NPFFR2: variants seen among roughly 807,000 people sequenced by gnomAD.
NPFFR2 encodes the protein neuropeptide FF receptor 2.
Under a neutral mutation model 13.1 loss-of-function variants are expected in NPFFR2, and 15 were observed. That is an observed-to-expected ratio of 1.15 (90% CI 0.77 to 1.76). The LOEUF is 1.76. NPFFR2 is among the 40% of genes most tolerant of loss of function. NPFFR2 has a pLI of 0.00. For synonymous variants in NPFFR2, 190 were observed against 175.7 expected (o/e 1.08, Z -0.65); for missense variants, 572 against 503.5 (o/e 1.14, Z -1.30).
At chr4:72,127,815 C>T (rs1722108468) in intron 1 of NPFFR2, among the ~76,000 whole-genome samples, 1 of 151,998 alleles carries the variant, frequency 6.6e-6, no homozygotes, top group African/African-American at 2.4e-5. Context: ...CACGGTGGCT[C>T]ATGCCTGTAA....
At chr4:72,087,750 A>G (rs143619552) in intron 1 of NPFFR2, among the ~76,000 whole-genome samples, 248 of 152,210 alleles carry the variant, frequency 1.6e-3, no homozygotes, top group African/African-American at 5.6e-3. Flanking sequence ...AGAAGGGAGA[A>G]AATGGAAGGG....
intron 1 of NPFFR2, among the ~76,000 whole-genome samples, chr4:72,097,430 T>C (rs1721104698): frequency 6.6e-6 from 1 of 152,122 alleles, no homozygotes; most frequent in African/African-American, 2.4e-5. Context: ...GCTTTTCCTC[T>C]CTCAATTCTA....
chr4:72,054,786 T>C (rs1013617106), intron 1 of NPFFR2, among the ~76,000 whole-genome samples: 3 of 151,814 alleles, frequency 2.0e-5, no homozygotes, highest in Non-Finnish European at 2.9e-5. Context: ...TATAACTCAA[T>C]GAGAATACAA....
chr4:72,096,466 G>A (rs1721075130), intron 1 of NPFFR2, among the ~76,000 whole-genome samples: 1 of 152,012 alleles, frequency 6.6e-6, no homozygotes, highest in Non-Finnish European at 1.5e-5. Flanking sequence ...AGTATTACAA[G>A]ACAAACATAA....
intron 3 of NPFFR2, among the ~76,000 whole-genome samples, chr4:72,142,434 C>T (rs974109665): frequency 6.6e-6 from 1 of 152,162 alleles, no homozygotes; most frequent in Non-Finnish European, 1.5e-5. Context: ...CCGTGGGCTG[C>T]ACCCACTGTC....
At chr4:72,086,707 A>T (rs143369599) in intron 1 of NPFFR2, among the ~76,000 whole-genome samples, 250 of 152,218 alleles carry the variant, frequency 1.6e-3, no homozygotes, top group African/African-American at 5.6e-3. Flanking sequence ...AATCTCATTA[A>T]CCATATTGTA....
intron 1 of NPFFR2, among the ~76,000 whole-genome samples, chr4:72,100,907 A>G (rs904985962): frequency 3.9e-5 from 6 of 152,062 alleles, no homozygotes; most frequent in Non-Finnish European, 8.8e-5. Flanking sequence ...TTTTTAAATC[A>G]TCTTGGTAGA....
At chr4:72,118,908 T>A (rs1242245341) in intron 1 of NPFFR2, among the ~76,000 whole-genome samples, 2 of 152,208 alleles carry the variant, frequency 1.3e-5, no homozygotes, top group Non-Finnish European at 2.9e-5. Flanking sequence ...TATAAACCAA[T>A]AATTTTTGAA....
chr4:72,104,723 G>A (rs898673807), intron 1 of NPFFR2, among the ~76,000 whole-genome samples: 19 of 151,878 alleles, frequency 1.3e-4, no homozygotes, highest in African/African-American at 4.1e-4. Context: ...ATTAACTCCT[G>A]GAAATCAATT....
rs34623356 is a variant in NPFFR2 at position 72,038,901 on chromosome 4, C to CTTTTTTTTTTTT, written c.-8+6704_-8+6705insTTTTTTTTTTTT. Among the ~76,000 whole-genome samples the CTTTTTTTTTTTT allele has an allele frequency of 2.0e-4, 17 of 86,908 alleles. 1 individual carries two copies. Among genetic ancestry groups the CTTTTTTTTTTTT allele is most frequent in the Non-Finnish European group, 2.7e-4 (12 of 44,604 alleles). The allele number at this position is 86,908 out of a possible 152,430, so 57.0% of individuals were successfully genotyped here. A position where few individuals can be genotyped will look rare whatever the true frequency, so the allele number is the denominator to read the frequency against. On this transcript the variant is annotated intron_variant, in intron 1 of 3. Coordinates refer to ENST00000308744, the MANE Select transcript of NPFFR2 (RefSeq NM_004885.3). ...TTTTAATTCTTGATTTTTAAATTTCCTTTCTTTTTTTTTTTTTTTTTTTTT... is the reference window on the plus strand; with the variant it reads ...TTTTAATTCTTGATTTTTAAATTTCCTTTTTTTTTTTTTTTCTTTTTTTTTTTTTTTTTTTTT...
At chr4:72,092,930 G>A (rs1000118815) in intron 1 of NPFFR2, among the ~76,000 whole-genome samples, 1 of 152,084 alleles carries the variant, frequency 6.6e-6, no homozygotes, top group African/African-American at 2.4e-5. Flanking sequence ...TACAGTTCCT[G>A]TGAGTTTTAT....
intron 1 of NPFFR2, among the ~76,000 whole-genome samples, chr4:72,104,573 G>T (rs1000567370): frequency 6.6e-6 from 1 of 152,012 alleles, no homozygotes; most frequent in Admixed American, 6.6e-5. Context: ...AGCATATATA[G>T]CTAAGGGTGG....
intron 1 of NPFFR2, among the ~76,000 whole-genome samples, chr4:72,126,952 G>A (rs773102126): frequency 1.3e-4 from 20 of 152,068 alleles, no homozygotes; most frequent in Non-Finnish European, 2.5e-4. Flanking sequence ...GCTGGGTCCT[G>A]CAAGTCTTTC....
intron 1 of NPFFR2, among the ~76,000 whole-genome samples, chr4:72,062,845 T>G (rs1004154729): frequency 2.0e-5 from 3 of 152,176 alleles, no homozygotes; most frequent in Non-Finnish European, 4.4e-5. Flanking sequence ...GAGAGGCCAG[T>G]TGAAATTAGC....
At chr4:72,089,486 T>G (rs952480723) in intron 1 of NPFFR2, among the ~76,000 whole-genome samples, 9 of 152,146 alleles carry the variant, frequency 5.9e-5, no homozygotes, top group Admixed American at 5.9e-4. Context: ...TGCCCACATC[T>G]ATTATTTTTT....
intron 1 of NPFFR2, among the ~76,000 whole-genome samples, chr4:72,093,522 T>G (rs1720968903): frequency 6.6e-6 from 1 of 152,152 alleles, no homozygotes; most frequent in South Asian, 2.1e-4. Flanking sequence ...GCTTTGTTTA[T>G]TTTTTTAAAT....
chr4:72,146,710 T>G (rs1030213982), intron 3 of NPFFR2: 5 of 370,690 alleles, frequency 1.3e-5, no homozygotes, highest in Non-Finnish European at 2.4e-5. Context: ...GAACAGAGTC[T>G]GAAACGGTTT....
intron 3 of NPFFR2, among the ~76,000 whole-genome samples, chr4:72,142,183 G>T (rs1435956360): frequency 6.6e-6 from 1 of 151,978 alleles, no homozygotes; most frequent in Non-Finnish European, 1.5e-5. Flanking sequence ...TCCTGAATAC[G>T]GCACAGTGAT....
At chr4:72,069,729 T>C (rs1359920202) in intron 1 of NPFFR2, among the ~76,000 whole-genome samples, 4 of 152,122 alleles carry the variant, frequency 2.6e-5, no homozygotes, top group Non-Finnish European at 1.5e-5. Context: ...GTAACAGAAT[T>C]ATTGGAAATA....
Sources: gnomAD v4.1 joint callset for allele counts (sites outside exome capture counted in the v4.1 genomes callset) on GRCh38, gnomAD v4.1.1 for gene constraint, MANE v1.5 for transcripts, NCBI Gene and HGNC (gene_info 2026-07-23, HGNC 2026-07-21) for gene names.